The following CACNA1D variants were observed in gnomAD, a reference collection of about 807,000 sequenced individuals.
The protein encoded by CACNA1D is voltage-dependent L-type calcium channel subunit alpha-1D.
A neutral mutation model predicts 257.1 loss-of-function variants in CACNA1D; 55 were observed. That is an observed-to-expected ratio of 0.21 (90% CI 0.17 to 0.27). The LOEUF (loss-of-function observed/expected upper bound fraction) is 0.27. Ranked by LOEUF, CACNA1D falls within the 10% of genes least tolerant of loss-of-function variation. The pLI is 1.00. For missense variants in CACNA1D, 1,876 were observed against 2,784.0 expected, an observed-to-expected ratio of 0.67 and a Z score of 7.34; for synonymous variants, 980 against 1,014.9, an observed-to-expected ratio of 0.97 and a Z score of 0.65.
At chr3:53,639,719 G>C (rs1342789296) in intron 3 of CACNA1D, among the ~76,000 whole-genome samples, 3 of 151,854 alleles carry the variant, frequency 2.0e-5, no homozygotes, top group Admixed American at 6.6e-5. Context: ...GTCAATCAAC[G>C]TAGCCATATA....
chr3:53,584,111 A>G (rs1016855498), intron 3 of CACNA1D, among the ~76,000 whole-genome samples: 3 of 152,128 alleles, frequency 2.0e-5, no homozygotes, highest in Non-Finnish European at 4.4e-5. Flanking sequence ...TCAGTAGCTC[A>G]TGGATTGTCT....
chr3:53,733,035 G>T (rs966951847), intron 19 of CACNA1D, 73 bp downstream of exon 19: 69 of 1,504,528 alleles, frequency 4.6e-5, no homozygotes, highest in Non-Finnish European at 6.1e-5. Flanking sequence ...AGGGTGGCTC[G>T]GGTGGGGGTG....
intron 47 of CACNA1D, chr3:53,810,633 C>T (rs940259391): frequency 2.7e-6 from 1 of 375,450 alleles, no homozygotes; most frequent in African/African-American, 2.1e-5. Context: ...TGGTGTATGC[C>T]TGTAATCCCA....
In CACNA1D at chr3:53,594,718, A is replaced by G. The variant is rs116079715; in HGVS notation, c.484-56061A>G. ...GCAGGTGGCTGATCCCACTCTCTGCATGCAGAAAAGAGCAGCAGCCTTCTT... is the reference window on the plus strand; with the variant it reads ...GCAGGTGGCTGATCCCACTCTCTGCGTGCAGAAAAGAGCAGCAGCCTTCTT... On this transcript the variant is annotated intron_variant, in intron 3 of 47. Transcript: ENST00000350061. Among the ~76,000 whole-genome samples, 1,500 of 152,362 alleles carry G rather than the reference A, an allele frequency of 9.8e-3. 35 individuals carry two copies. The highest frequency in any genetic ancestry group is 0.034 in the African/African-American group (1,403 of 41,582).
chr3:53,804,159 C>T (rs1355607266), intron 44 of CACNA1D, among the ~76,000 whole-genome samples: 1 of 152,210 alleles, frequency 6.6e-6, no homozygotes, highest in East Asian at 1.9e-4. Flanking sequence ...GAAAATCGCC[C>T]TCCACCCTCT....
chr3:53,736,624 G>T (rs2095059800), intron 20 of CACNA1D, among the ~76,000 whole-genome samples: 1 of 152,008 alleles, frequency 6.6e-6, no homozygotes, highest in African/African-American at 2.4e-5. Context: ...GGGCGTGGTG[G>T]CTTATACGTA....
Position 53,702,888 on chromosome 3 carries a change from C to T in CACNA1D, c.1390+78C>T, listed in dbSNP as rs879165220. On this transcript the variant is annotated intron_variant, in intron 9 of 47. Transcript: ENST00000350061. The stretch of plus-strand genomic sequence containing the variant: ...ACGCCTAGCAGTAGGCCTTCCTCGA[C>T]TCTGACCCAGGCTGTGAGTGGGACA... 12 of 1,507,790 alleles carry T rather than the reference C, an allele frequency of 8.0e-6. No homozygotes were observed. In the South Asian group the frequency reaches 1.1e-4, roughly 13 times the overall value. The allele number at this position is 1,507,790 out of a possible 1,614,324, so 93.4% of individuals were successfully genotyped here.
At chr3:53,666,885 A>T (rs1399450469) in intron 7 of CACNA1D, among the ~76,000 whole-genome samples, 3 of 152,178 alleles carry the variant, frequency 2.0e-5, no homozygotes, top group African/African-American at 7.2e-5. Flanking sequence ...GTCACTTTCC[A>T]GGTAAGGAGG....
intron 3 of CACNA1D, among the ~76,000 whole-genome samples, chr3:53,596,668 G>A (rs1211654360): frequency 1.3e-5 from 2 of 152,190 alleles, no homozygotes; most frequent in Non-Finnish European, 2.9e-5. Context: ...GCCAAGGAAT[G>A]TGGGCAGCCT....
chr3:53,574,475 A>G (rs1207185526), intron 3 of CACNA1D, among the ~76,000 whole-genome samples: 1 of 152,226 alleles, frequency 6.6e-6, no homozygotes, highest in African/African-American at 2.4e-5. Flanking sequence ...CATAGAACAC[A>G]AAATGTTGTG....
chr3:53,632,259 A>C (rs957513275), intron 3 of CACNA1D, among the ~76,000 whole-genome samples: 1 of 152,158 alleles, frequency 6.6e-6, no homozygotes, highest in Non-Finnish European at 1.5e-5. Flanking sequence ...TTGTACTTTT[A>C]TGTTATGGAG....
Position 53,556,820 on chromosome 3 carries a change from A to G in CACNA1D, c.483+55100A>G, listed in dbSNP as rs147439080. Among the ~76,000 whole-genome samples the G allele has an allele frequency of 4.4e-3, 671 of 151,248 alleles. 10 individuals are homozygous for G. In the East Asian group the frequency reaches 0.054, roughly 12 times the overall value. The stretch of plus-strand genomic sequence containing the variant: ...AACTTCTGCCTCCTGGGTTCAAGTG[A>G]TTCTCCTGCCTCAGCCTCCTGAGTA... On this transcript the variant is annotated intron_variant, in intron 3 of 47. Transcript: ENST00000350061.
At chr3:53,622,931 C>G in intron 3 of CACNA1D, among the ~76,000 whole-genome samples, 1 of 151,760 alleles carries the variant, frequency 6.6e-6, no homozygotes, top group Non-Finnish European at 1.5e-5. Context: ...GCTCTGTCAC[C>G]CAGGCTGCAG....
intron 3 of CACNA1D, among the ~76,000 whole-genome samples, chr3:53,594,702 T>C (rs1046524026): frequency 6.6e-6 from 1 of 152,274 alleles, no homozygotes; most frequent in Non-Finnish European, 1.5e-5. Flanking sequence ...GGCAGGTGGC[T>C]GATCCCACTC....
chr3:53,665,703 C>T lies in CACNA1D; in HGVS notation c.810C>T (p.Pro270=). Residue 270 remains proline, a synonymous_variant, in exon 6 of 48, where the codon CCC becomes CCT. Transcript: ENST00000350061. ...VLNSIIKAMV[P]LLHIALLVLF... is the part of the protein sequence containing the mutation. ...ACTCCATTATAAAAGCCATGGTTCCCCTCCTTCACATAGCCCTTTTGGTAT... is the reference window on the plus strand; with the variant it reads ...ACTCCATTATAAAAGCCATGGTTCCTCTCCTTCACATAGCCCTTTTGGTAT... 1.9e-6 allele frequency: 3 copies of T among 1,610,650 alleles called. No individual in the cohort carries two copies. The highest frequency in any genetic ancestry group is 2.2e-5 in the East Asian group (1 of 44,830).
chr3:53,805,386 T>C (rs973019136), intron 45 of CACNA1D, among the ~76,000 whole-genome samples: 1 of 152,222 alleles, frequency 6.6e-6, no homozygotes, highest in African/African-American at 2.4e-5. Flanking sequence ...AGAGAGGCTG[T>C]GGGGCCCTAA....
chr3:53,522,304 T>C (rs2091610723), intron 3 of CACNA1D, among the ~76,000 whole-genome samples: 1 of 152,222 alleles, frequency 6.6e-6, no homozygotes, highest in African/African-American at 2.4e-5. Flanking sequence ...AGCTGTGATC[T>C]GTCTTCTGTG....
intron 29 of CACNA1D, among the ~76,000 whole-genome samples, chr3:53,760,143 G>A (rs967991195): frequency 3.9e-5 from 6 of 152,092 alleles, no homozygotes; most frequent in Admixed American, 1.3e-4. Context: ...AAACCACGGC[G>A]GTTGGGTGGG....
rs752255383 is a variant in CACNA1D, at chr3:53,723,942, G to A, written c.2043G>A (p.Thr681=). The A allele has an allele frequency of 1.2e-5, 20 of 1,614,112 alleles. No homozygotes were observed. The highest frequency in any genetic ancestry group is 1.6e-4 in the Middle Eastern group (1 of 6,062). ...LFGGKFNFDE[T]QTKRSTFDNF... Reference sequence around the variant, plus strand: ...GCGGCAAGTTTAATTTTGATGAAACGCAAACCAAGCGGAGCACCTTTGACA... The same window carrying A: ...GCGGCAAGTTTAATTTTGATGAAACACAAACCAAGCGGAGCACCTTTGACA... Residue 681 remains threonine, a synonymous_variant, in exon 14 of 48, where the codon ACG becomes ACA. Coordinates refer to ENST00000350061, the MANE Select transcript of CACNA1D (RefSeq NM_001128840.3). The surrounding 1 kb of genome is among the most constrained non-coding windows in gnomAD (Gnocchi z 5.6).
Sources: gnomAD v4.1 joint callset for allele counts (sites outside exome capture counted in the v4.1 genomes callset) on GRCh38, gnomAD v4.1.1 for gene constraint, Gnocchi (gnomAD v3.1) non-coding constraint, MANE v1.5 for transcripts, NCBI Gene and HGNC (gene_info 2026-07-23, HGNC 2026-07-21) for gene names.